Variants in SMAP1 observed in about 807,000 individuals in gnomAD.
The protein encoded by SMAP1 is stromal membrane-associated protein 1.
A neutral mutation model predicts 58.5 loss-of-function variants in SMAP1; 24 were observed. That is an observed-to-expected ratio of 0.41 (90% CI 0.30 to 0.58). The LOEUF is 0.58. Among genes scored for constraint, SMAP1 ranks in the 20% least tolerant of loss-of-function variants. The pLI is 0.29. For synonymous variants in SMAP1, 216 were observed against 196.6 expected, an observed-to-expected ratio of 1.10 and a Z score of -0.82; for missense variants, 563 against 566.3, an observed-to-expected ratio of 0.99 and a Z score of 0.06.
intron 6 of SMAP1, 105 bp from the exon 7 acceptor site, chr6:70,836,835 TA>T (rs1770608195): frequency 2.3e-6 from 2 of 880,520 alleles, no homozygotes; most frequent in Non-Finnish European, 3.3e-6. Context: ...CTATGTTTCA[TA>T]TTTTTTTTAC....
At chr6:70,680,980 A>G (rs1766685183) in intron 1 of SMAP1, among the ~76,000 whole-genome samples, 1 of 152,002 alleles carries the variant, frequency 6.6e-6, no homozygotes. Context: ...AGCCTCCCAC[A>G]GTGCTGGGAT....
intron 1 of SMAP1, among the ~76,000 whole-genome samples, chr6:70,720,775 G>C (rs1011783941): frequency 6.6e-6 from 1 of 152,192 alleles, no homozygotes; most frequent in African/African-American, 2.4e-5. Flanking sequence ...CTGGAGCGGA[G>C]AGGCTGGGAC....
intron 4 of SMAP1, among the ~76,000 whole-genome samples, chr6:70,780,606 C>T (rs1767723952): frequency 6.6e-6 from 1 of 152,100 alleles, no homozygotes; most frequent in Non-Finnish European, 1.5e-5. Flanking sequence ...GAAATCTGTC[C>T]TGTCTGTCCT....
intron 4 of SMAP1, among the ~76,000 whole-genome samples, chr6:70,789,808 A>G (rs1486245156): frequency 6.6e-6 from 1 of 150,932 alleles, no homozygotes; most frequent in Non-Finnish European, 1.5e-5. Context: ...TTAGTGAGCT[A>G]TGATCTTCAC....
chr6:70,732,534 A>G, intron 2 of SMAP1, 23 bp downstream of exon 2: 4 of 1,489,612 alleles, frequency 2.7e-6, no homozygotes, highest in South Asian at 3.0e-5. Flanking sequence ...TTACCAAGAA[A>G]TTATTTAAAA....
chr6:70,839,501 CTT>C (rs1288152139), intron 7 of SMAP1, among the ~76,000 whole-genome samples: 1 of 151,628 alleles, frequency 6.6e-6, no homozygotes, highest in African/African-American at 2.4e-5. Context: ...GGATGTCACT[CTT>C]TTGGACAGTG....
At chr6:70,858,289 T>G in intron 10 of SMAP1, 60 bp downstream of exon 10, 2 of 93,876 alleles carry the variant, frequency 2.1e-5, no homozygotes, top group Non-Finnish European at 3.1e-5. Flanking sequence ...TTCTAAATCT[T>G]TTTTTTTTTT....
At chr6:70,828,125 TATCA>T (rs1460545553) in intron 6 of SMAP1, among the ~76,000 whole-genome samples, 5 of 152,150 alleles carry the variant, frequency 3.3e-5, no homozygotes, top group African/African-American at 1.2e-4. Context: ...TAATTATAGC[TATCA>T]ATCTATATAG....
In SMAP1 at chr6:70,768,309, A is replaced by C. The variant is rs556671479; in HGVS notation, c.339-5041A>C. Reference sequence around the variant, plus strand: ...TCCCTCTTTTTCTATTGATTGGAATAGTTTCAGAAGGAATGGTGCCAGTTC... The same window carrying C: ...TCCCTCTTTTTCTATTGATTGGAATCGTTTCAGAAGGAATGGTGCCAGTTC... On this transcript the variant is annotated intron_variant, in intron 3 of 10. Transcript: ENST00000370455. 4.1e-3 allele frequency among the ~76,000 whole-genome samples: 617 copies of C among 152,298 alleles called. 2 individuals are homozygous for C. Among genetic ancestry groups the C allele is most frequent in the Non-Finnish European group, 6.4e-3 (436 of 68,028 alleles).
At chr6:70,694,916 A>G (rs945502742) in intron 1 of SMAP1, among the ~76,000 whole-genome samples, 1 of 152,278 alleles carries the variant, frequency 6.6e-6, no homozygotes, top group African/African-American at 2.4e-5. Flanking sequence ...CCAATATTGA[A>G]TCTTTCAATC....
intron 4 of SMAP1, among the ~76,000 whole-genome samples, chr6:70,788,194 G>A (rs1410281848): frequency 6.7e-6 from 1 of 149,784 alleles, no homozygotes; most frequent in Non-Finnish European, 1.5e-5. Flanking sequence ...GCAAACTATC[G>A]CAAGGACAAG....
chr6:70,768,749 C>G (rs1767124663), intron 3 of SMAP1, among the ~76,000 whole-genome samples: 2 of 152,084 alleles, frequency 1.3e-5, no homozygotes, highest in African/African-American at 4.8e-5. Flanking sequence ...TCTCTATTTC[C>G]TTCAGTTCTG....
chr6:70,803,054 T>C lies in SMAP1; in HGVS notation c.576+4317T>C, dbSNP rs192523316. ...TTAGGGAGGATTCCCTCTTTTTCTATTGATTGGAATAGTTTCAGAAGGAAT... is the reference window on the plus strand; with the variant it reads ...TTAGGGAGGATTCCCTCTTTTTCTACTGATTGGAATAGTTTCAGAAGGAAT... On this transcript the variant is annotated intron_variant, in intron 6 of 10. Coordinates refer to ENST00000370455, the MANE Select transcript of SMAP1 (RefSeq NM_001044305.3). Among the ~76,000 whole-genome samples, 870 of 152,322 alleles carry C rather than the reference T, an allele frequency of 5.7e-3. 4 individuals carry two copies. Among genetic ancestry groups the C allele is most frequent in the African/African-American group, 0.02 (839 of 41,564 alleles).
Position 70,755,067 on chromosome 6 carries a change from T to G in SMAP1, c.338+2T>G. 1 of 1,601,878 alleles carries G rather than the reference T, an allele frequency of 6.2e-7. No homozygotes were observed. Among genetic ancestry groups the G allele is most frequent in the Non-Finnish European group, 8.5e-7 (1 of 1,171,900 alleles). On this transcript the variant is annotated splice_donor_variant, in intron 3 of 10. Transcript: ENST00000370455. LOFTEE classifies it high-confidence loss of function. Reference sequence around the variant, plus strand: ...CTTTCGAAGACCACAGACAGATCAGTATCCTTTAAAACTTATTTGTTTTGA... The same window carrying G: ...CTTTCGAAGACCACAGACAGATCAGGATCCTTTAAAACTTATTTGTTTTGA...
chr6:70,816,440 T>C (rs1769632707), intron 6 of SMAP1, among the ~76,000 whole-genome samples: 3 of 152,266 alleles, frequency 2.0e-5, no homozygotes, highest in Admixed American at 2.0e-4. Flanking sequence ...TAAGAAGCTA[T>C]GGGAGAGAGA....
rs911385329 is a variant in SMAP1, at chr6:70,861,720, C to G, written c.*1386C>G. On this transcript the variant is annotated 3_prime_UTR_variant, in exon 11 of 11. Coordinates refer to ENST00000370455, the MANE Select transcript of SMAP1 (RefSeq NM_001044305.3). ...ACTTTGGCTCGTTGGCTAGATTAAC[C>G]TTCTCTGTCCGAGTGTGCCACACGA... The G allele has an allele frequency of 9.9e-6, 16 of 1,614,008 alleles. No individual in the cohort carries two copies. Among genetic ancestry groups the G allele is most frequent in the Non-Finnish European group, 1.4e-5 (16 of 1,179,998 alleles).
At chr6:70,795,189 C>T (rs1235908765) in intron 5 of SMAP1, among the ~76,000 whole-genome samples, 1 of 152,162 alleles carries the variant, frequency 6.6e-6, no homozygotes, top group Non-Finnish European at 1.5e-5. Flanking sequence ...AAGTCATGCT[C>T]TCCCTCTAGT....
chr6:70,674,804 G>A (rs1479085392), intron 1 of SMAP1, among the ~76,000 whole-genome samples: 2 of 151,972 alleles, frequency 1.3e-5, no homozygotes, highest in Non-Finnish European at 2.9e-5. Context: ...GCAAAACCCT[G>A]TCTCCACTAA....
At chr6:70,767,150 C>T (rs1163884642) in intron 3 of SMAP1, among the ~76,000 whole-genome samples, 1 of 152,040 alleles carries the variant, frequency 6.6e-6, no homozygotes, top group East Asian at 1.9e-4. Flanking sequence ...GTTACTGTAG[C>T]CTTGTAGTAT....
Sources: allele counts gnomAD v4.1 joint callset (sites outside exome capture counted in the v4.1 genomes callset), GRCh38; gene constraint gnomAD v4.1.1; transcripts MANE v1.5; gene names NCBI Gene and HGNC (gene_info 2026-07-23, HGNC 2026-07-21).